The following LAMB1 variants were observed in gnomAD, a reference collection of about 807,000 sequenced individuals.
LAMB1 encodes the protein laminin subunit beta-1.
A neutral mutation model predicts 222.3 loss-of-function variants in LAMB1; 121 were observed. The observed-to-expected ratio is 0.54, with a 90% CI of 0.47 to 0.63. The LOEUF (loss-of-function observed/expected upper bound fraction) is 0.63, where lower values mean the gene tolerates loss of function less well. Among genes scored for constraint, LAMB1 ranks in the 30% least tolerant of loss-of-function variants. The pLI, the probability that LAMB1 is intolerant of heterozygous loss-of-function variation, is 0.00. For synonymous variants in LAMB1, 794 were observed against 807.2 expected (o/e 0.98, Z 0.28); for missense variants, 2,172 against 2,240.8 (o/e 0.97, Z 0.62).
intron 5 of LAMB1, among the ~76,000 whole-genome samples, chr7:107,994,621 T>C (rs545108684): frequency 2.3e-4 from 35 of 152,336 alleles, no homozygotes; most frequent in African/African-American, 7.7e-4. Context: ...CCTTACTCTA[T>C]GGGGAAATAA....
Position 107,923,996 on chromosome 7 carries a change from T to C in LAMB1, c.5316A>G (p.Leu1772=), listed in dbSNP as rs2116299662. The C allele has an allele frequency of 6.2e-7, 1 of 1,607,154 alleles. No individual in the cohort carries two copies. The highest frequency in any genetic ancestry group is 1.7e-5 in the Admixed American group (1 of 57,836). Residue 1772 remains leucine, a synonymous_variant, in exon 34 of 34, where the codon CTA becomes CTG. Transcript: ENST00000222399. ...CAGCAACTTTCTGGCTTATATCCTT[T>C]AGGAGTGAACGGACTTCTCCTTCCA... is the stretch of plus-strand genomic sequence containing the variant. ...ARLEGEVRSL[L]KDISQKVAVY...
Position 108,001,753 on chromosome 7 carries a change from C to A in LAMB1, c.38-20G>T, listed in dbSNP as rs1403572693. 6.2e-7 allele frequency: 1 copy of A among 1,610,898 alleles called. No individual in the cohort carries two copies. The highest frequency in any genetic ancestry group is 1.3e-5 in the African/African-American group (1 of 74,682). Reference sequence around the variant, plus strand: ...ACAGGGCTGCGGGAAGGACAGGCAACAGAGTTGGGGGGACACAAGCAGGGA... The same window carrying A: ...ACAGGGCTGCGGGAAGGACAGGCAAAAGAGTTGGGGGGACACAAGCAGGGA... On this transcript the variant is annotated intron_variant, in intron 2 of 33. Coordinates refer to ENST00000222399, the MANE Select transcript of LAMB1 (RefSeq NM_002291.3).
intron 27 of LAMB1, 56 bp downstream of exon 27, chr7:107,935,359 T>TC: frequency 2.1e-6 from 1 of 472,656 alleles, no homozygotes; most frequent in Non-Finnish European, 2.9e-6. Flanking sequence ...TTTTTTTTTT[T>TC]TTTTTTTTTT....
At chr7:108,002,203 T>A (rs1470764850) in intron 2 of LAMB1, 2 of 1,363,352 alleles carry the variant, frequency 1.5e-6, no homozygotes, top group South Asian at 2.5e-5. Flanking sequence ...TCTGTGAGCT[T>A]GGGAAGCGAG....
chr7:107,937,940 C>T (rs1042232878), intron 25 of LAMB1, among the ~76,000 whole-genome samples: 1 of 152,168 alleles, frequency 6.6e-6, no homozygotes, highest in Non-Finnish European at 1.5e-5. Context: ...TCTGTACTTT[C>T]AAACCTACAA....
chr7:107,945,921 C>G (rs149797617), intron 24 of LAMB1, among the ~76,000 whole-genome samples: 1 of 152,332 alleles, frequency 6.6e-6, no homozygotes, highest in African/African-American at 2.4e-5. Flanking sequence ...GTGCCACTTA[C>G]TTTCTGCTAT....
At chr7:107,965,561 A>T (rs1252529520) in intron 13 of LAMB1, among the ~76,000 whole-genome samples, 1 of 152,164 alleles carries the variant, frequency 6.6e-6, no homozygotes, top group Non-Finnish European at 1.5e-5. Flanking sequence ...CCTGGGCAAC[A>T]AGAGTGAAAC....
At chr7:107,964,872 G>A (rs940250053) in intron 13 of LAMB1, among the ~76,000 whole-genome samples, 185 bp from the exon 14 acceptor site, 6 of 152,176 alleles carry the variant, frequency 3.9e-5, no homozygotes, top group African/African-American at 1.2e-4. Context: ...CTCCAGAAGC[G>A]TGGCTGAGAA....
At chr7:107,929,277 AAAG>A (rs1274972786) in intron 30 of LAMB1, 72 bp from the exon 31 acceptor site, 2 of 1,569,190 alleles carry the variant, frequency 1.3e-6, no homozygotes, top group Non-Finnish European at 1.8e-6. Context: ...TCTTTTCTTT[AAAG>A]AATAGCCTTC....
intron 7 of LAMB1, 72 bp downstream of exon 7, chr7:107,985,948 ACT>A (rs1584533386): frequency 2.5e-6 from 3 of 1,183,232 alleles, no homozygotes; most frequent in South Asian, 1.3e-5. Context: ...CAAGAGCGGA[ACT>A]CTGTCTCAAA....
intron 2 of LAMB1, among the ~76,000 whole-genome samples, 191 bp downstream of exon 2, chr7:108,002,658 C>A (rs1465100761): frequency 6.6e-6 from 1 of 152,200 alleles, no homozygotes; most frequent in Admixed American, 6.5e-5. Flanking sequence ...TGAGGGTCCG[C>A]GGCGCTCCGC....
chr7:107,953,453 G>T (rs945548701), intron 22 of LAMB1, 77 bp downstream of exon 22: 3 of 1,074,888 alleles, frequency 2.8e-6, no homozygotes, highest in Non-Finnish European at 4.3e-6. Context: ...ATAAATACAG[G>T]AAGAATAAAA....
rs181577255 is a variant in LAMB1 at position 107,959,001 on chromosome 7, G to A, written c.2690+248C>T. ...CCTATGGTAAGCTCTAGGGTGACTC[G>A]CCAAGAGGACGGATTCATGTCAGTT... On this transcript the variant is annotated intron_variant, in intron 20 of 33. Transcript: ENST00000222399. 1.6e-3 allele frequency among the ~76,000 whole-genome samples: 241 copies of A among 152,308 alleles called. 1 individual carries two copies. The highest frequency in any genetic ancestry group is 2.4e-3 in the Non-Finnish European group (162 of 68,018).
chr7:107,999,383 T>C (rs765423329), intron 3 of LAMB1, among the ~76,000 whole-genome samples: 3 of 152,198 alleles, frequency 2.0e-5, no homozygotes, highest in Non-Finnish European at 4.4e-5. Flanking sequence ...CAGACTATTC[T>C]TAAGTCTGAA....
chr7:107,926,723 T>A (rs925810492), intron 31 of LAMB1, among the ~76,000 whole-genome samples: 4 of 152,186 alleles, frequency 2.6e-5, no homozygotes, highest in Admixed American at 1.3e-4. Flanking sequence ...AATAAGCAGC[T>A]GTGCGAAGAG....
chr7:107,926,727 C>T (rs934422528), intron 31 of LAMB1, among the ~76,000 whole-genome samples: 3 of 152,016 alleles, frequency 2.0e-5, no homozygotes, highest in Non-Finnish European at 4.4e-5. Flanking sequence ...AGCAGCTGTG[C>T]GAAGAGGGAT....
chr7:107,965,769 C>T (rs2033622454), intron 13 of LAMB1, among the ~76,000 whole-genome samples: 1 of 152,082 alleles, frequency 6.6e-6, no homozygotes, highest in Admixed American at 6.5e-5. Context: ...AGGCAAGTTG[C>T]AACTCACAGG....
chr7:107,939,312 A>T lies in LAMB1; in HGVS notation c.3761+677T>A, dbSNP rs565962268. ...GTCAATTCTCTAGGCTTCCACTAAC[A>T]AACACTGTCCAATCAGAGGGAAGAT... On this transcript the variant is annotated intron_variant, in intron 25 of 33. Coordinates refer to ENST00000222399, the MANE Select transcript of LAMB1 (RefSeq NM_002291.3). Among the ~76,000 whole-genome samples, 7 of 144,916 alleles carry T rather than the reference A, an allele frequency of 4.8e-5. No individual in the cohort carries two copies. The South Asian group carries it at 1.5e-3, about 32-fold the overall frequency.
Position 107,977,196 on chromosome 7 carries a change from G to C in LAMB1, c.1000+851C>G, listed in dbSNP as rs200093527. On this transcript the variant is annotated intron_variant, in intron 9 of 33. Coordinates refer to ENST00000222399, the MANE Select transcript of LAMB1 (RefSeq NM_002291.3). The stretch of plus-strand genomic sequence containing the variant: ...TACAAAGCAAGCCTTGACCACTCCA[G>C]CTCTCACTGGCTGCTGAACTTCTAT... 5.3e-5 allele frequency among the ~76,000 whole-genome samples: 3 copies of C among 56,772 alleles called. No homozygotes were observed. The Admixed American group carries it at 5.5e-4, about 10-fold the overall frequency. The allele number at this position is 56,772 out of a possible 152,430, so 37.2% of individuals were successfully genotyped here.
Sources: allele counts gnomAD v4.1 joint callset (sites outside exome capture counted in the v4.1 genomes callset), GRCh38; gene constraint gnomAD v4.1.1; transcripts MANE v1.5; gene names NCBI Gene and HGNC (gene_info 2026-07-23, HGNC 2026-07-21).